The following CACNA1C variants were observed in gnomAD, a reference collection of about 807,000 sequenced individuals.
CACNA1C encodes calcium voltage-gated channel subunit alpha1 C.
CACNA1C carries 30 observed loss-of-function variants against 229.0 expected under a neutral mutation model. That is an observed-to-expected ratio of 0.13 (90% CI 0.10 to 0.18). The LOEUF is 0.18. CACNA1C is among the 10% of genes least tolerant of loss of function. CACNA1C has a pLI of 1.00. For synonymous variants in CACNA1C, 1,114 were observed against 1,132.5 expected, an observed-to-expected ratio of 0.98 and a Z score of 0.33; for missense variants, 1,658 against 2,845.0, an observed-to-expected ratio of 0.58 and a Z score of 9.49.
At chr12:2,014,255 C>T (rs1461744593) in intron 1 of CACNA1C, among the ~76,000 whole-genome samples, 1 of 146,200 alleles carries the variant, frequency 6.8e-6, no homozygotes, top group Non-Finnish European at 1.5e-5. Context: ...AAACAACAAA[C>T]TGTCAGAAAA....
chr12:2,122,385 C>T lies in CACNA1C; in HGVS notation c.477+1955C>T, dbSNP rs185242518. Among the ~76,000 whole-genome samples, 1,021 of 152,244 alleles carry T rather than the reference C, an allele frequency of 6.7e-3. 4 individuals are homozygous for T. The highest frequency in any genetic ancestry group is 0.012 in the Non-Finnish European group (796 of 68,028). ...CTGCATTCCACAATGTCGCACTTCC[C>T]CTGGGGCAGTGAATGCTGCCAGCTG... On this transcript the variant is annotated intron_variant, in intron 3 of 46. Transcript: ENST00000399655.
At chr12:2,135,261 C>T (rs1374757799) in intron 3 of CACNA1C, among the ~76,000 whole-genome samples, 1 of 145,530 alleles carries the variant, frequency 6.9e-6, no homozygotes, top group African/African-American at 2.6e-5. Flanking sequence ...AGTGTCCTCC[C>T]GTAGCTCAGA....
At chr12:2,621,931 C>T (rs536625771) in intron 29 of CACNA1C, among the ~76,000 whole-genome samples, 66 of 152,128 alleles carry the variant, frequency 4.3e-4, no homozygotes, top group Non-Finnish European at 6.9e-4. Context: ...TAGGAGTCAG[C>T]GCCATCTATT....
At chr12:2,507,236 A>T (rs1024693975) in intron 8 of CACNA1C, among the ~76,000 whole-genome samples, 10 of 152,120 alleles carry the variant, frequency 6.6e-5, no homozygotes, top group African/African-American at 2.4e-4. Context: ...CTCCTGAATC[A>T]CTGATAGAAC....
At chr12:2,557,807 G>A (rs985782564) in intron 11 of CACNA1C, among the ~76,000 whole-genome samples, 6 of 152,186 alleles carry the variant, frequency 3.9e-5, no homozygotes, top group African/African-American at 1.4e-4. Context: ...CTGGCTCACA[G>A]TCCCCTGCTT....
chr12:2,487,817 A>G (rs901288173), intron 6 of CACNA1C, among the ~76,000 whole-genome samples: 1 of 152,184 alleles, frequency 6.6e-6, no homozygotes, highest in Non-Finnish European at 1.5e-5. Flanking sequence ...CTTTAATTAA[A>G]ATCCTTCCTT....
Position 2,403,580 on chromosome 12 carries a change from T to C in CACNA1C, c.478-45396T>C, listed in dbSNP as rs907402254. 2.0e-5 allele frequency among the ~76,000 whole-genome samples: 3 copies of C among 152,214 alleles called. No homozygotes were observed. Among genetic ancestry groups the C allele is most frequent in the Non-Finnish European group, 4.4e-5 (3 of 68,030 alleles). On this transcript the variant is annotated intron_variant, in intron 3 of 46. Transcript: ENST00000399655. This position sits in a 1 kb window ranked among gnomAD's most constrained non-coding sequence, Gnocchi z 4.1. ...ACTTTTTTGATTAAGTGACAGCTTT[T>C]ACCACTCCTGGCAGCTGCTGCGAGA... is the stretch of plus-strand genomic sequence containing the variant.
In CACNA1C at chr12:2,388,202, A is replaced by G. The variant is rs549521341; in HGVS notation, c.478-60774A>G. The stretch of plus-strand genomic sequence containing the variant: ...CTGTTGTAAAATGAGTAAGTTCTAG[A>G]AAACAAATGTGCAGCATGGTAACTA... On this transcript the variant is annotated intron_variant, in intron 3 of 46. Transcript: ENST00000399655. 7.3e-4 allele frequency among the ~76,000 whole-genome samples: 111 copies of G among 152,344 alleles called. 6 individuals are homozygous for G. The South Asian group carries it at 0.023, about 31-fold the overall frequency.
At chr12:2,293,852 G>C (rs1566916774) in intron 3 of CACNA1C, among the ~76,000 whole-genome samples, 3 of 152,232 alleles carry the variant, frequency 2.0e-5, no homozygotes, top group Admixed American at 6.5e-5. Flanking sequence ...TGTTTGATGA[G>C]TGACTAATAG....
At chr12:2,143,221 G>A (rs2094428785) in intron 3 of CACNA1C, among the ~76,000 whole-genome samples, 1 of 151,116 alleles carries the variant, frequency 6.6e-6, no homozygotes, top group Non-Finnish European at 1.5e-5. Flanking sequence ...ACCCGCTTTG[G>A]CCTCCCAAAG....
intron 1 of CACNA1C, among the ~76,000 whole-genome samples, chr12:2,070,424 A>G (rs2060773398): frequency 6.6e-6 from 1 of 152,152 alleles, no homozygotes. Context: ...CTTTCCTAGT[A>G]CTGAAGCATA....
chr12:2,515,189 G>T (rs767505940), intron 9 of CACNA1C, among the ~76,000 whole-genome samples: 5 of 152,190 alleles, frequency 3.3e-5, no homozygotes, highest in South Asian at 2.1e-4. Flanking sequence ...GCAGGGGAAT[G>T]AATATTTTAA....
chr12:2,394,761 C>G (rs545352435), intron 3 of CACNA1C, among the ~76,000 whole-genome samples: 1 of 152,144 alleles, frequency 6.6e-6, no homozygotes, highest in South Asian at 2.1e-4. Flanking sequence ...GGATCAGGAG[C>G]TAGAGCCCAC....
At chr12:2,669,879 A>G (rs939421925) in intron 38 of CACNA1C, among the ~76,000 whole-genome samples, 1 of 152,232 alleles carries the variant, frequency 6.6e-6, no homozygotes, top group Non-Finnish European at 1.5e-5. Context: ...AAGGGCTAGC[A>G]GCAGCCTGAG....
intron 19 of CACNA1C, among the ~76,000 whole-genome samples, chr12:2,594,503 A>G (rs2153351120): frequency 6.6e-6 from 1 of 152,212 alleles, no homozygotes; most frequent in Non-Finnish European, 1.5e-5. Flanking sequence ...TGACCATTAT[A>G]TGTTTTTGTT....
In CACNA1C at chr12:2,689,627, C is replaced by T. The variant is rs954532821; in HGVS notation, c.6117+848C>T. Among the ~76,000 whole-genome samples the T allele has an allele frequency of 6.6e-5, 10 of 152,124 alleles. No homozygotes were observed. The highest frequency in any genetic ancestry group is 2.0e-4 in the Admixed American group (3 of 15,272). On this transcript the variant is annotated intron_variant, in intron 46 of 46. Coordinates refer to ENST00000399655, the MANE Select transcript of CACNA1C (RefSeq NM_000719.7). The surrounding 1 kb of genome is among the most constrained non-coding windows in gnomAD (Gnocchi z 4.2). ...CAAGCAGAGACTGTGCTCATCCGGG[C>T]GTCAGGCTGTGGTGCAGGAGGTGGG...
At chr12:2,584,313 G>A (rs1202940194) in intron 15 of CACNA1C, among the ~76,000 whole-genome samples, 190 bp from the exon 16 acceptor site, 1 of 152,132 alleles carries the variant, frequency 6.6e-6, no homozygotes, top group Non-Finnish European at 1.5e-5. Context: ...ATAGCTCCAG[G>A]TAGCTAGGAG....
chr12:2,621,146 A>T (rs866616786), intron 29 of CACNA1C, among the ~76,000 whole-genome samples: 6 of 152,230 alleles, frequency 3.9e-5, no homozygotes, highest in Middle Eastern at 3.4e-3. Flanking sequence ...CGCCTCAGTG[A>T]TGATGTTGAA....
intron 13 of CACNA1C, among the ~76,000 whole-genome samples, chr12:2,572,341 C>CCTCCTCCTCCTCCT (rs2055253940): frequency 8.3e-6 from 1 of 120,636 alleles, no homozygotes; most frequent in Non-Finnish European, 1.8e-5. Context: ...TTCTCTTCTT[C>CCTCCTCCTCCTCCT]CTCCTCCTCC....
Sources: gnomAD v4.1 joint callset for allele counts (sites outside exome capture counted in the v4.1 genomes callset) on GRCh38, gnomAD v4.1.1 for gene constraint, Gnocchi (gnomAD v3.1) non-coding constraint, MANE v1.5 for transcripts, NCBI Gene and HGNC (gene_info 2026-07-23, HGNC 2026-07-21) for gene names.